The following FLT3 variants were observed in gnomAD, a reference collection of about 807,000 sequenced individuals.
FLT3 encodes the protein fms related receptor tyrosine kinase 3.
Under a neutral mutation model 126.6 loss-of-function variants are expected in FLT3, and 46 were observed. The observed-to-expected ratio is 0.36, with a 90% CI of 0.29 to 0.46. The LOEUF is 0.46. FLT3 is among the 20% of genes least tolerant of loss of function. FLT3 has a pLI of 1.00. For missense variants in FLT3, 1,069 were observed against 1,190.3 expected (o/e 0.90, Z 1.50); for synonymous variants, 404 against 434.4 (o/e 0.93, Z 0.87).
chr13:28,058,661 A>G (rs1200995077), intron 3 of FLT3, among the ~76,000 whole-genome samples: 1 of 152,228 alleles, frequency 6.6e-6, no homozygotes, highest in Non-Finnish European at 1.5e-5. Context: ...ACTGAGACCT[A>G]CTCATCAGAA....
chr13:28,013,042 T>C (rs961955345), intron 23 of FLT3, among the ~76,000 whole-genome samples: 1 of 152,212 alleles, frequency 6.6e-6, no homozygotes, highest in African/African-American at 2.4e-5. Context: ...CAGTTTACCT[T>C]ATGGTGTCAT....
chr13:28,077,956 T>C (rs1878070569), intron 1 of FLT3, among the ~76,000 whole-genome samples: 1 of 152,246 alleles, frequency 6.6e-6, no homozygotes, highest in South Asian at 2.1e-4. Context: ...ATGATCTCTT[T>C]TGACTCCAGG....
chr13:28,056,195 A>C (rs943361017), intron 4 of FLT3, among the ~76,000 whole-genome samples: 12 of 152,082 alleles, frequency 7.9e-5, no homozygotes, highest in Non-Finnish European at 2.9e-5. Flanking sequence ...TGGTGCAGAA[A>C]GCCTCCAGCT....
chr13:28,023,622 T>C, intron 18 of FLT3, 145 bp from the exon 19 acceptor site: 1 of 881,380 alleles, frequency 1.1e-6, no homozygotes, highest in South Asian at 1.7e-5. Context: ...GCATTAGAGA[T>C]GACCTGTTTA....
chr13:28,097,429 T>C (rs182637229), intron 1 of FLT3, among the ~76,000 whole-genome samples: 6 of 151,876 alleles, frequency 4.0e-5, no homozygotes, highest in Non-Finnish European at 7.4e-5. Context: ...TTTTTCAGTT[T>C]AAACAACAGG....
At chr13:28,032,627 C>G (rs1566069735) in intron 15 of FLT3, among the ~76,000 whole-genome samples, 1 of 151,794 alleles carries the variant, frequency 6.6e-6, no homozygotes, top group Non-Finnish European at 1.5e-5. Context: ...GCCACAACAA[C>G]AAAAGCTGGA....
At chr13:28,005,280 G>T (rs572410009) in intron 23 of FLT3, among the ~76,000 whole-genome samples, 1 of 152,146 alleles carries the variant, frequency 6.6e-6, no homozygotes, top group East Asian at 1.9e-4. Flanking sequence ...AGTGAGCCTA[G>T]ATTGTGCCAC....
intron 20 of FLT3, among the ~76,000 whole-genome samples, chr13:28,016,762 A>G (rs771369697): frequency 1.3e-5 from 2 of 152,240 alleles, no homozygotes; most frequent in Non-Finnish European, 2.9e-5. Context: ...ACTTTCCCAC[A>G]TAAGAGACAA....
At chr13:28,059,627 C>T (rs962690919) in intron 3 of FLT3, among the ~76,000 whole-genome samples, 2 of 152,136 alleles carry the variant, frequency 1.3e-5, no homozygotes, top group African/African-American at 4.8e-5. Flanking sequence ...TTTTCCCAAG[C>T]ATTTCCCAAG....
At chr13:28,083,843 GATATTGGCAATT>G in intron 1 of FLT3, among the ~76,000 whole-genome samples, 1 of 152,092 alleles carries the variant, frequency 6.6e-6, no homozygotes, top group South Asian at 2.1e-4. Flanking sequence ...TCTCATTCCT[GATATTGGCAATT>G]CACGTCTTCA....
intron 17 of FLT3, among the ~76,000 whole-genome samples, chr13:28,025,725 A>G (rs1466516438): frequency 6.6e-6 from 1 of 152,212 alleles, no homozygotes; most frequent in Non-Finnish European, 1.5e-5. Context: ...CTGTTCCAGA[A>G]TATGAGTGGC....
At chr13:28,050,332 C>A in intron 5 of FLT3, 110 bp from the exon 6 acceptor site, 1 of 955,212 alleles carries the variant, frequency 1.0e-6, no homozygotes, top group South Asian at 1.6e-5. Context: ...AAATGGTAAA[C>A]AAAAGGTCAA....
chr13:28,049,569 AT>A, intron 7 of FLT3, 32 bp from the exon 8 acceptor site: 1 of 1,612,700 alleles, frequency 6.2e-7, no homozygotes, highest in Non-Finnish European at 8.5e-7. Context: ...TTTGCATTTA[AT>A]GTTTTCAATC....
At chr13:28,004,686 T>C (rs1870729912) in intron 23 of FLT3, among the ~76,000 whole-genome samples, 2 of 152,228 alleles carry the variant, frequency 1.3e-5, no homozygotes, top group South Asian at 4.1e-4. Context: ...CAAGTACTTT[T>C]ATTATGCATA....
intron 1 of FLT3, among the ~76,000 whole-genome samples, chr13:28,076,097 C>T (rs5020785): frequency 0.71 from 107,083 of 151,776 alleles, 39,684 homozygotes; most frequent in East Asian, 0.95. Flanking sequence ...GCACATGGCC[C>T]TTCATAGCAA....
At chr13:28,028,965 A>G (rs1338997390) in intron 15 of FLT3, among the ~76,000 whole-genome samples, 1 of 145,834 alleles carries the variant, frequency 6.9e-6, no homozygotes, top group African/African-American at 2.5e-5. Context: ...TATTTTTTGT[A>G]GAGATGGGGT....
intron 1 of FLT3, among the ~76,000 whole-genome samples, chr13:28,082,151 G>A (rs528658470): frequency 4.0e-4 from 59 of 148,030 alleles, no homozygotes; most frequent in Non-Finnish European, 6.3e-4. Context: ...CCACTGCACC[G>A]GCCTACTTTG....
chr13:28,066,813 C>T lies in FLT3; in HGVS notation c.165+3678G>A, dbSNP rs181651154. Among the ~76,000 whole-genome samples the T allele has an allele frequency of 1.3e-4, 20 of 152,254 alleles. No individual in the cohort carries two copies. In the East Asian group the frequency reaches 2.7e-3, roughly 21 times the overall value. On this transcript the variant is annotated intron_variant, in intron 2 of 23. Transcript: ENST00000241453. ...CGTAGGCAAGATCCACCAATGGGTG[C>T]TAAAATCAGTAGGTGAAAATTAAAG... is the stretch of plus-strand genomic sequence containing the variant.
chr13:28,031,492 G>T (rs566486186), intron 15 of FLT3, among the ~76,000 whole-genome samples: 1 of 152,138 alleles, frequency 6.6e-6, no homozygotes, highest in South Asian at 2.1e-4. Flanking sequence ...AGGCACAGGG[G>T]CTACTGGACA....
Sources: allele counts gnomAD v4.1 joint callset (sites outside exome capture counted in the v4.1 genomes callset), GRCh38; gene constraint gnomAD v4.1.1; transcripts MANE v1.5; gene names NCBI Gene and HGNC (gene_info 2026-07-23, HGNC 2026-07-21).